Variants in GPHN observed in about 807,000 individuals in gnomAD.
The protein encoded by GPHN is gephyrin.
A neutral mutation model predicts 95.5 loss-of-function variants in GPHN; 17 were observed. The observed-to-expected ratio is 0.18, with a 90% CI of 0.12 to 0.27. The LOEUF (loss-of-function observed/expected upper bound fraction) is 0.27. GPHN is among the 10% of genes least tolerant of loss of function. GPHN has a pLI of 1.00. For synonymous variants in GPHN, 320 were observed against 322.5 expected (o/e 0.99, Z 0.08); for missense variants, 660 against 978.1 (o/e 0.67, Z 4.34).
At chr14:66,561,541 GA>G in intron 1 of GPHN, among the ~76,000 whole-genome samples, 1 of 152,162 alleles carries the variant, frequency 6.6e-6, no homozygotes, top group East Asian at 1.9e-4. Context: ...TACATATAAG[GA>G]AATTGGTGCC....
At chr14:67,340,525 TAA>T in the GPHN span, 711 of 1,445,188 alleles carry the variant, frequency 4.9e-4, no homozygotes, top group African/African-American at 9.4e-4. Context: ...ATGACTAGAA[TAA>T]AAAAAAAAAT....
At chr14:67,064,328 G>A (rs562847621) in intron 11 of GPHN, among the ~76,000 whole-genome samples, 22 of 152,232 alleles carry the variant, frequency 1.4e-4, no homozygotes, top group African/African-American at 4.6e-4. Context: ...TGCCGGATTC[G>A]GTTTGCCAGT....
chr14:67,026,674 C>T (rs1304404984), intron 10 of GPHN, among the ~76,000 whole-genome samples: 1 of 152,010 alleles, frequency 6.6e-6, no homozygotes, highest in African/African-American at 2.4e-5. Context: ...AGACGGAGTC[C>T]CGCTGTCGCC....
the GPHN span, among the ~76,000 whole-genome samples, chr14:67,679,070 T>C: frequency 6.6e-6 from 1 of 152,172 alleles, no homozygotes; most frequent in African/African-American, 2.4e-5. Flanking sequence ...TTATGGAAGC[T>C]GAGAAGTCCA....
At position 66,741,047 on chromosome 14, in the gene GPHN, T is replaced by G. The variant is rs751663882; in HGVS notation, c.144-35417T>G. ...GTGTGAGAGAGGAAGAAATTAAACT[T>G]GCAGCTTCAAGCCCTTTTATAATTG... On this transcript the variant is annotated intron_variant, in intron 2 of 22. Coordinates refer to ENST00000478722, the MANE Select transcript of GPHN (RefSeq NM_020806.5). Among the ~76,000 whole-genome samples, 6 of 152,176 alleles carry G rather than the reference T, an allele frequency of 3.9e-5. No individual in the cohort carries two copies. The South Asian group carries it at 8.3e-4, about 21-fold the overall frequency.
chr14:66,762,493 A>T (rs1371312410), intron 2 of GPHN, among the ~76,000 whole-genome samples: 1 of 151,818 alleles, frequency 6.6e-6, no homozygotes, highest in Non-Finnish European at 1.5e-5. Flanking sequence ...TGTCTTTATG[A>T]CAGCATTTAT....
intron 9 of GPHN, among the ~76,000 whole-genome samples, chr14:66,974,799 C>G (rs1392587947): frequency 6.6e-6 from 1 of 152,076 alleles, no homozygotes; most frequent in East Asian, 1.9e-4. Context: ...ACCAAGAAGG[C>G]AGTGATTAAG....
the GPHN span, chr14:67,292,842 G>C: frequency 1.4e-6 from 1 of 719,554 alleles, no homozygotes; most frequent in Non-Finnish European, 2.2e-6. Flanking sequence ...TTAATTACAT[G>C]TTAATAATGT....
the GPHN span, among the ~76,000 whole-genome samples, chr14:67,646,066 A>C: frequency 0.13 from 19,461 of 152,266 alleles, 1,300 homozygotes; most frequent in East Asian, 0.22. Flanking sequence ...TCTTGGTTAG[A>C]GGCTCCCAGG....
At chr14:67,722,631 G>A in the GPHN span, 12 of 1,613,214 alleles carry the variant, frequency 7.4e-6, no homozygotes, top group African/African-American at 9.3e-5. Flanking sequence ...AGCAGCTACA[G>A]AAGTTGGAAC....
intron 5 of GPHN, among the ~76,000 whole-genome samples, chr14:66,881,389 A>G (rs1202461486): frequency 2.6e-5 from 4 of 151,882 alleles, no homozygotes; most frequent in Non-Finnish European, 4.4e-5. Flanking sequence ...ATTAAGTAGT[A>G]GTTTTCAAAC....
chr14:67,401,382 C>T, the GPHN span, among the ~76,000 whole-genome samples: 21 of 152,110 alleles, frequency 1.4e-4, no homozygotes, highest in Non-Finnish European at 2.8e-4. Flanking sequence ...CGTGGTGGCA[C>T]GTGCCTGTAG....
chr14:67,586,502 C>A, the GPHN span: 1 of 936,920 alleles, frequency 1.1e-6, no homozygotes, highest in Non-Finnish European at 1.5e-6. Flanking sequence ...ACATTAGCTA[C>A]AAAGTGGGAC....
the GPHN span, chr14:67,684,858 G>A: frequency 1.9e-6 from 1 of 518,658 alleles, no homozygotes; most frequent in Non-Finnish European, 3.4e-6. Context: ...TATTACAAAA[G>A]AGAGTCAAAT....
intron 1 of GPHN, among the ~76,000 whole-genome samples, chr14:66,557,846 T>C (rs910496464): frequency 2.8e-4 from 43 of 152,162 alleles, no homozygotes; most frequent in African/African-American, 1.0e-3. Context: ...TTATTACTTA[T>C]TATATGAGTT....
At chr14:67,524,184 C>T in the GPHN span, among the ~76,000 whole-genome samples, 48 of 152,166 alleles carry the variant, frequency 3.2e-4, no homozygotes, top group South Asian at 2.9e-3. Context: ...CCCAAGTTCC[C>T]GGGCTCAATC....
intron 17 of GPHN, among the ~76,000 whole-genome samples, chr14:67,129,433 T>G (rs555902982): frequency 6.6e-6 from 1 of 152,194 alleles, no homozygotes; most frequent in Non-Finnish European, 1.5e-5. Flanking sequence ...TAATATTTTG[T>G]AATACAACAA....
chr14:66,559,818 T>C (rs375613250), intron 1 of GPHN, among the ~76,000 whole-genome samples: 9 of 152,054 alleles, frequency 5.9e-5, no homozygotes, highest in African/African-American at 9.7e-5. Context: ...CTTGCCCATG[T>C]CTGTGTCCTG....
chr14:67,140,725 C>T (rs1408983800), intron 17 of GPHN, among the ~76,000 whole-genome samples: 1 of 152,114 alleles, frequency 6.6e-6, no homozygotes, highest in East Asian at 1.9e-4. Flanking sequence ...GAACCATTGG[C>T]TTAGCATAAT....
Sources: allele counts gnomAD v4.1 joint callset (sites outside exome capture counted in the v4.1 genomes callset), GRCh38; gene constraint gnomAD v4.1.1; transcripts MANE v1.5; gene names NCBI Gene and HGNC (gene_info 2026-07-23, HGNC 2026-07-21).